The following HUNK variants were observed in gnomAD, a reference collection of about 807,000 sequenced individuals.
HUNK encodes the protein hormonally up-regulated Neu-associated kinase.
Under a neutral mutation model 61.0 loss-of-function variants are expected in HUNK, and 21 were observed. That is an observed-to-expected ratio of 0.34 (90% CI 0.24 to 0.50). HUNK has a LOEUF of 0.50. Among genes scored for constraint, HUNK ranks in the 20% least tolerant of loss-of-function variants. The pLI, the probability that HUNK is intolerant of heterozygous loss-of-function variation, is 0.98. For synonymous variants in HUNK, 371 were observed against 386.1 expected (o/e 0.96, Z 0.46); for missense variants, 772 against 945.7 (o/e 0.82, Z 2.41).
chr21:31,946,126 T>G lies in HUNK; in HGVS notation c.701T>G (p.Leu234Arg). ...CGSPAYAAPELLARKKYGPKI... is the reference protein window; with the variant it reads ...CGSPAYAAPERLARKKYGPKI... The stretch of plus-strand genomic sequence containing the variant: ...AGCCCTGCCTACGCTGCACCTGAAC[T>G]GCTCGCCAGGAAGAAATACGGCCCC... Residue 234 changes from leucine (L) to arginine (R), a missense_variant, in exon 4 of 11, where the codon CTG becomes CGG. Coordinates refer to ENST00000270112, the MANE Select transcript of HUNK (RefSeq NM_014586.2). 6.2e-7 allele frequency: 1 copy of G among 1,613,122 alleles called. No individual in the cohort carries two copies. Among genetic ancestry groups the G allele is most frequent in the Non-Finnish European group, 8.5e-7 (1 of 1,179,096 alleles).
intron 7 of HUNK, among the ~76,000 whole-genome samples, chr21:31,976,326 G>A (rs897827144): frequency 1.3e-5 from 2 of 151,982 alleles, no homozygotes; most frequent in Non-Finnish European, 2.9e-5. Flanking sequence ...TTTATTATAT[G>A]ATGAGGAGAG....
intron 1 of HUNK, among the ~76,000 whole-genome samples, chr21:31,908,778 T>G (rs181587002): frequency 6.6e-6 from 1 of 152,254 alleles, no homozygotes; most frequent in African/African-American, 2.4e-5. Context: ...ACACTCTGGA[T>G]GATTAAAGAT....
chr21:31,908,231 G>A (rs999246767), intron 1 of HUNK, among the ~76,000 whole-genome samples: 2 of 152,222 alleles, frequency 1.3e-5, no homozygotes, highest in Admixed American at 6.5e-5. Context: ...GGAGAGGGAG[G>A]TGTGGGTGGG....
At chr21:31,899,795 T>A (rs556737881) in intron 1 of HUNK, among the ~76,000 whole-genome samples, 6 of 151,452 alleles carry the variant, frequency 4.0e-5, no homozygotes, top group Non-Finnish European at 7.4e-5. Context: ...TTTTTTTTTT[T>A]AGACAGAGTT....
chr21:31,906,834 T>C (rs2052509050), intron 1 of HUNK, among the ~76,000 whole-genome samples: 2 of 152,230 alleles, frequency 1.3e-5, no homozygotes, highest in South Asian at 4.2e-4. Flanking sequence ...AACTTCCCTG[T>C]CCCTTACAGT....
chr21:31,995,646 T>G, intron 9 of HUNK, 122 bp from the exon 10 acceptor site: 5 of 804,828 alleles, frequency 6.2e-6, no homozygotes, highest in Non-Finnish European at 8.2e-6. Flanking sequence ...AACACACAGT[T>G]GAGAGCATAG....
intron 1 of HUNK, among the ~76,000 whole-genome samples, chr21:31,882,049 T>A (rs1261513581): frequency 1.3e-5 from 2 of 151,938 alleles, no homozygotes; most frequent in Non-Finnish European, 2.9e-5. Flanking sequence ...ACGGTGGCAC[T>A]TTCCTGGGAA....
At chr21:31,929,030 G>C (rs1227973256) in intron 2 of HUNK, among the ~76,000 whole-genome samples, 1 of 152,016 alleles carries the variant, frequency 6.6e-6, no homozygotes, top group African/African-American at 2.4e-5. Flanking sequence ...GATTTAAGGG[G>C]CTTTTGGTTG....
At chr21:31,963,980 C>T (rs775921535) in intron 5 of HUNK, among the ~76,000 whole-genome samples, 5 of 152,194 alleles carry the variant, frequency 3.3e-5, no homozygotes, top group African/African-American at 4.8e-5. Context: ...ACTTAAGCTT[C>T]GAGGGCCTTT....
At position 31,924,525 on chromosome 21, in the gene HUNK, A is replaced by C. The variant is rs1313139352; in HGVS notation, c.319A>C (p.Asn107His). ...RAKKDTYVTK[N>H]LRREGQIQQM... ...CAAAAAGGACACCTATGTCACCAAAAACCTGCGGCGAGAGGGTCAGATCCA... is the reference window on the plus strand; with the variant it reads ...CAAAAAGGACACCTATGTCACCAAACACCTGCGGCGAGAGGGTCAGATCCA... The change falls in exon 2 of 11, where the codon AAC (asparagine) becomes CAC (histidine). Residue 107 changes from asparagine to histidine, a missense_variant. By Grantham distance (68) the Asn-to-His change is moderately conservative. Around this residue, in one of 2 missense-constraint regions of HUNK, gnomAD observed 359 missense variants for 501.3 expected, o/e 0.72. Transcript: ENST00000270112. The surrounding 1 kb of genome is among the most constrained non-coding windows in gnomAD (Gnocchi z 5.1). The C allele has an allele frequency of 1.2e-6, 2 of 1,613,984 alleles. No homozygotes were observed. The highest frequency in any genetic ancestry group is 8.5e-7 in the Non-Finnish European group (1 of 1,180,022).
intron 1 of HUNK, among the ~76,000 whole-genome samples, chr21:31,887,916 A>C (rs995115800): frequency 1.3e-5 from 2 of 152,128 alleles, no homozygotes; most frequent in Non-Finnish European, 2.9e-5. Flanking sequence ...AGAAATGGGT[A>C]CATGGTTTTT....
intron 4 of HUNK, among the ~76,000 whole-genome samples, chr21:31,954,076 G>A (rs561578752): frequency 2.0e-5 from 3 of 152,182 alleles, no homozygotes; most frequent in Non-Finnish European, 4.4e-5. Context: ...CAAGCAGTTT[G>A]GTGTCTCAGG....
At chr21:31,977,276 T>C (rs184366838) in intron 7 of HUNK, among the ~76,000 whole-genome samples, 4 of 152,178 alleles carry the variant, frequency 2.6e-5, no homozygotes, top group African/African-American at 9.7e-5. Flanking sequence ...GACACCACCA[T>C]GCTATAGAGG....
intron 1 of HUNK, among the ~76,000 whole-genome samples, chr21:31,921,475 G>A (rs1398928153): frequency 6.6e-6 from 1 of 152,094 alleles, no homozygotes; most frequent in Non-Finnish European, 1.5e-5. Flanking sequence ...TGGAGTACCT[G>A]GAGAGTGATA....
chr21:31,916,053 T>TC (rs1002168307), intron 1 of HUNK, among the ~76,000 whole-genome samples: 2 of 134,312 alleles, frequency 1.5e-5, no homozygotes, highest in Admixed American at 7.5e-5. Context: ...CTTTTTTTTT[T>TC]TTTTTTTTTT....
At chr21:31,946,301 T>G in intron 4 of HUNK, 130 bp downstream of exon 4, 1 of 898,708 alleles carries the variant, frequency 1.1e-6, no homozygotes, top group Non-Finnish European at 1.6e-6. Flanking sequence ...TCAGGGATTC[T>G]TTGGGGCCTG....
intron 1 of HUNK, among the ~76,000 whole-genome samples, chr21:31,874,638 C>T (rs1302489366): frequency 6.7e-6 from 1 of 149,146 alleles, no homozygotes; most frequent in East Asian, 2.1e-4. Context: ...ATCCCCTTCT[C>T]TCCGTTCCCC....
intron 5 of HUNK, among the ~76,000 whole-genome samples, chr21:31,960,225 CAG>C (rs1473914122): frequency 1.3e-5 from 2 of 152,214 alleles, no homozygotes; most frequent in East Asian, 3.9e-4. Context: ...TTAAGCAAGA[CAG>C]AGAACAAACC....
chr21:31,884,195 G>A (rs1382761202), intron 1 of HUNK, among the ~76,000 whole-genome samples: 1 of 152,134 alleles, frequency 6.6e-6, no homozygotes, highest in Non-Finnish European at 1.5e-5. Flanking sequence ...CCAGTGTGAT[G>A]GTATTTGGAG....
Sources: allele counts gnomAD v4.1 joint callset (sites outside exome capture counted in the v4.1 genomes callset), GRCh38; gene constraint gnomAD v4.1.1; regional missense constraint gnomAD v4.1.1; non-coding constraint Gnocchi (gnomAD v3.1); transcripts MANE v1.5; gene names NCBI Gene and HGNC (gene_info 2026-07-23, HGNC 2026-07-21).